The following VPS13A variants were observed in gnomAD, a reference collection of about 807,000 sequenced individuals.
The protein encoded by VPS13A is intermembrane lipid transfer protein VPS13A.
In VPS13A, 264 loss-of-function variants were observed where a neutral mutation model predicts 390.9. That is an observed-to-expected ratio of 0.68 (90% CI 0.61 to 0.75). The LOEUF (loss-of-function observed/expected upper bound fraction) is 0.75. Ranked by LOEUF, VPS13A falls within the 30% of genes least tolerant of loss-of-function variation. The pLI is 0.00. For synonymous variants in VPS13A, 1,231 were observed against 1,227.1 expected, an observed-to-expected ratio of 1.00 and a Z score of -0.07; for missense variants, 3,409 against 3,733.9, an observed-to-expected ratio of 0.91 and a Z score of 2.27.
At chr9:77,232,516 G>T (rs116707994) in intron 17 of VPS13A, among the ~76,000 whole-genome samples, 1 of 152,146 alleles carries the variant, frequency 6.6e-6, no homozygotes, top group African/African-American at 2.4e-5. Context: ...GAAGCCATTT[G>T]GTCCTTGTAT....
chr9:77,216,728 C>T (rs942423202), intron 10 of VPS13A, among the ~76,000 whole-genome samples: 4 of 152,132 alleles, frequency 2.6e-5, no homozygotes, highest in African/African-American at 9.7e-5. Flanking sequence ...GGAGTATTGA[C>T]TCACATGATC....
At chr9:77,278,794 G>A (rs762400997) in intron 26 of VPS13A, among the ~76,000 whole-genome samples, 3 of 152,162 alleles carry the variant, frequency 2.0e-5, no homozygotes, top group African/African-American at 7.2e-5. Flanking sequence ...AGTTTTAAAA[G>A]CTTTCTATAA....
chr9:77,319,618 A>G lies in VPS13A; in HGVS notation c.5360A>G (p.Glu1787Gly), dbSNP rs1275887343. 6.2e-7 allele frequency: 1 copy of G among 1,612,502 alleles called. No homozygotes were observed. Among genetic ancestry groups the G allele is most frequent in the Non-Finnish European group, 8.5e-7 (1 of 1,179,012 alleles). The change falls in exon 42 of 72, where the codon GAA becomes GGA. Residue 1787 changes from glutamate (E) to glycine (G), a missense_variant. Glu to Gly is a moderately conservative substitution (Grantham distance 98, BLOSUM62 -2). Transcript: ENST00000360280. Reference protein sequence around the residue: ...EMFGVWEPLLEPLEIDQTEDF... With the variant: ...EMFGVWEPLLGPLEIDQTEDF... ...TTTGGTGTATGGGAGCCTTTGCTTGAACCCTTAGAAATTGATCAGACTGAG... is the reference window on the plus strand; with the variant it reads ...TTTGGTGTATGGGAGCCTTTGCTTGGACCCTTAGAAATTGATCAGACTGAG...
chr9:77,414,724 A>C (rs893701819), intron 71 of VPS13A, among the ~76,000 whole-genome samples: 2 of 134,070 alleles, frequency 1.5e-5, no homozygotes, highest in African/African-American at 5.7e-5. Flanking sequence ...ATGTACCCTA[A>C]AACTTGAAGT....
chr9:77,340,745 G>T, intron 50 of VPS13A, 195 bp downstream of exon 50: 3 of 602,230 alleles, frequency 5.0e-6, no homozygotes, highest in African/African-American at 1.9e-5. Flanking sequence ...TAGGTAACTA[G>T]GAATGCCCAG....
intron 38 of VPS13A, 32 bp from the exon 39 acceptor site, chr9:77,316,142 C>T: frequency 1.5e-6 from 2 of 1,296,170 alleles, no homozygotes; most frequent in Non-Finnish European, 2.1e-6. Context: ...TAATATATAG[C>T]AAATATTTTA....
chr9:77,299,794 A>G (rs1280594827), intron 33 of VPS13A, among the ~76,000 whole-genome samples: 1 of 152,182 alleles, frequency 6.6e-6, no homozygotes, highest in African/African-American at 2.4e-5. Flanking sequence ...TGAAGCTGGA[A>G]ACCATCATTC....
intron 23 of VPS13A, among the ~76,000 whole-genome samples, chr9:77,261,864 G>A (rs981325350): frequency 3.3e-5 from 5 of 152,200 alleles, no homozygotes; most frequent in Admixed American, 2.6e-4. Context: ...GATTACAGGC[G>A]TGAGCCACTG....
intron 31 of VPS13A, among the ~76,000 whole-genome samples, chr9:77,291,563 G>A (rs1418865940): frequency 2.0e-5 from 3 of 152,110 alleles, no homozygotes; most frequent in African/African-American, 7.2e-5. Context: ...GTTGTACCTT[G>A]TGCTTAGGGT....
At chr9:77,276,250 A>T (rs1826662341) in intron 26 of VPS13A, 29 bp downstream of exon 26, 2 of 1,529,430 alleles carry the variant, frequency 1.3e-6, no homozygotes, top group African/African-American at 1.4e-5. Flanking sequence ...TAAAATAAAT[A>T]AATTAATTTC....
chr9:77,347,550 C>T (rs977539903), intron 52 of VPS13A, among the ~76,000 whole-genome samples: 31 of 152,112 alleles, frequency 2.0e-4, no homozygotes, highest in Non-Finnish European at 1.2e-4. Flanking sequence ...GATCCAGGCT[C>T]ACTGCAGCCT....
intron 19 of VPS13A, among the ~76,000 whole-genome samples, chr9:77,246,260 G>A (rs1011033414): frequency 6.6e-6 from 1 of 152,068 alleles, no homozygotes; most frequent in African/African-American, 2.4e-5. Flanking sequence ...TTTTCTTTCT[G>A]TTGGCTTGTA....
At chr9:77,375,265 C>G (rs767642968) in intron 67 of VPS13A, among the ~76,000 whole-genome samples, 1 of 151,854 alleles carries the variant, frequency 6.6e-6, no homozygotes, top group Non-Finnish European at 1.5e-5. Context: ...AGACTAAGAA[C>G]TATTGAAGGA....
At chr9:77,394,231 A>ATT (rs36047906) in intron 68 of VPS13A, among the ~76,000 whole-genome samples, 186 of 140,512 alleles carry the variant, frequency 1.3e-3, no homozygotes, top group South Asian at 6.8e-3. Flanking sequence ...CATCTGGCTA[A>ATT]TTTTTTTTTT....
intron 23 of VPS13A, among the ~76,000 whole-genome samples, chr9:77,271,578 A>G (rs1826355817): frequency 6.6e-6 from 1 of 152,136 alleles, no homozygotes. Flanking sequence ...CCAGAAGTGA[A>G]TGGATAAGGA....
intron 1 of VPS13A, among the ~76,000 whole-genome samples, chr9:77,184,585 C>T (rs1824218790): frequency 6.6e-6 from 1 of 152,212 alleles, no homozygotes; most frequent in Non-Finnish European, 1.5e-5. Flanking sequence ...TGCTACTGCA[C>T]TCCAGCCTAG....
intron 13 of VPS13A, among the ~76,000 whole-genome samples, chr9:77,222,444 A>G (rs1006997723): frequency 3.3e-5 from 5 of 152,222 alleles, no homozygotes; most frequent in African/African-American, 1.2e-4. Flanking sequence ...TTCAATAGCT[A>G]TGACAACTAT....
At position 77,252,333 on chromosome 9, in the gene VPS13A, A is replaced by G; in HGVS notation, c.2269A>G (p.Met757Val). The stretch of plus-strand genomic sequence containing the variant: ...GGAACTGTCTAAGGCCATGGTTTTC[A>G]TGGATGTAAGGATGCCCAAGTATGT... ...NLELSKAMVF[M>V]DVRMPKFKIY... The change falls in exon 22 of 72, where the codon ATG (methionine) becomes GTG (valine). Residue 757 changes from methionine to valine, a missense_variant. By Grantham distance (21) the Met-to-Val change is conservative (BLOSUM62 1). Coordinates refer to ENST00000360280, the MANE Select transcript of VPS13A (RefSeq NM_033305.3). 4 of 1,613,588 alleles carry G rather than the reference A, an allele frequency of 2.5e-6. No homozygotes were observed. The highest frequency in any genetic ancestry group is 3.4e-6 in the Non-Finnish European group (4 of 1,179,570).
intron 39 of VPS13A, among the ~76,000 whole-genome samples, chr9:77,317,372 T>C (rs996945111): frequency 6.6e-6 from 1 of 152,052 alleles, no homozygotes; most frequent in Non-Finnish European, 1.5e-5. Context: ...GGTATTTTTT[T>C]CTGAGCTACC....
Sources: gnomAD v4.1 joint callset for allele counts (sites outside exome capture counted in the v4.1 genomes callset) on GRCh38, gnomAD v4.1.1 for gene constraint, MANE v1.5 for transcripts, NCBI Gene and HGNC (gene_info 2026-07-23, HGNC 2026-07-21) for gene names.